The following MGAT4C variants were observed in gnomAD, a reference collection of about 807,000 sequenced individuals.
MGAT4C encodes MGAT4 family member C, also known as alpha-1,3-mannosyl-glycoprotein 4-beta-N-acetylglucosaminyltransferase C.
In MGAT4C, 19 loss-of-function variants were observed where a neutral mutation model predicts 40.1. The observed-to-expected ratio is 0.47, with a 90% CI of 0.33 to 0.70. MGAT4C has a LOEUF of 0.70. MGAT4C is among the 30% of genes least tolerant of loss of function. MGAT4C has a pLI of 0.02. For synonymous variants in MGAT4C, 181 were observed against 187.1 expected (o/e 0.97, Z 0.27); for missense variants, 491 against 563.2 (o/e 0.87, Z 1.30).
intron 3 of MGAT4C, among the ~76,000 whole-genome samples, chr12:86,421,266 C>T (rs567055160): frequency 3.9e-5 from 6 of 152,188 alleles, no homozygotes; most frequent in East Asian, 1.9e-4. Context: ...ACCTATGGTT[C>T]GGATAATTGT....
At chr12:86,102,553 G>T (rs749438967) in intron 1 of MGAT4C, among the ~76,000 whole-genome samples, 35 of 152,036 alleles carry the variant, frequency 2.3e-4, no homozygotes, top group Admixed American at 7.2e-4. Flanking sequence ...GGCCATCAAA[G>T]TAGTTTAGAA....
At chr12:86,600,175 G>A (rs888022166) in intron 2 of MGAT4C, among the ~76,000 whole-genome samples, 3 of 152,098 alleles carry the variant, frequency 2.0e-5, no homozygotes, top group African/African-American at 7.2e-5. Context: ...TGACAAGCAG[G>A]GAAAACATTT....
intron 1 of MGAT4C, among the ~76,000 whole-genome samples, chr12:86,227,055 C>A (rs1951116346): frequency 6.6e-6 from 1 of 151,916 alleles, no homozygotes; most frequent in Non-Finnish European, 1.5e-5. Flanking sequence ...CCATTACTTG[C>A]ATCCAGGCTG....
intron 1 of MGAT4C, among the ~76,000 whole-genome samples, chr12:86,058,907 T>C: frequency 6.6e-6 from 1 of 152,308 alleles, no homozygotes; most frequent in Non-Finnish European, 1.5e-5. Context: ...TATACAAACA[T>C]TTACAAAGAT....
chr12:86,679,530 A>T (rs1186504776), intron 2 of MGAT4C, among the ~76,000 whole-genome samples: 1 of 151,956 alleles, frequency 6.6e-6, no homozygotes, highest in Non-Finnish European at 1.5e-5. Context: ...CAATAGTTTG[A>T]ATGTGCACCC....
At chr12:86,597,933 G>A (rs1243142879) in intron 2 of MGAT4C, among the ~76,000 whole-genome samples, 1 of 151,988 alleles carries the variant, frequency 6.6e-6, no homozygotes, top group East Asian at 1.9e-4. Context: ...CTGTGCAGTG[G>A]GCATTCGAAC....
chr12:86,107,271 T>C (rs1876369129), intron 1 of MGAT4C, among the ~76,000 whole-genome samples: 1 of 152,156 alleles, frequency 6.6e-6, no homozygotes, highest in African/African-American at 2.4e-5. Context: ...AATGCTTTGG[T>C]AACTGGGGTC....
At chr12:86,712,385 G>A (rs1481046765) in intron 2 of MGAT4C, among the ~76,000 whole-genome samples, 1 of 152,010 alleles carries the variant, frequency 6.6e-6, no homozygotes, top group Non-Finnish European at 1.5e-5. Flanking sequence ...CATAATCAAT[G>A]ACTAACCATA....
intron 2 of MGAT4C, chr12:86,011,813 C>T: frequency 1.0e-6 from 1 of 983,834 alleles, no homozygotes; most frequent in Non-Finnish European, 1.2e-6. Context: ...CCTTTACCAG[C>T]TCCAAGTGTT....
chr12:86,769,276 A>G (rs1452867421), intron 1 of MGAT4C, among the ~76,000 whole-genome samples: 2 of 152,154 alleles, frequency 1.3e-5, no homozygotes, highest in African/African-American at 2.4e-5. Context: ...AATGCTCACC[A>G]TCACTGGCCA....
At chr12:86,576,171 T>G (rs1002855893) in intron 2 of MGAT4C, among the ~76,000 whole-genome samples, 37 of 152,062 alleles carry the variant, frequency 2.4e-4, no homozygotes, top group African/African-American at 8.2e-4. Flanking sequence ...GTTTTTTGAT[T>G]GGATTATTAG....
intron 3 of MGAT4C, among the ~76,000 whole-genome samples, chr12:86,421,466 A>G (rs1956824376): frequency 2.0e-5 from 3 of 152,130 alleles, no homozygotes; most frequent in Admixed American, 2.0e-4. Context: ...CAAGCAGCCT[A>G]TGCTTGTTAA....
At chr12:86,016,905 C>T (rs1426768472) in intron 2 of MGAT4C, among the ~76,000 whole-genome samples, 1 of 151,954 alleles carries the variant, frequency 6.6e-6, no homozygotes, top group Non-Finnish European at 1.5e-5. Context: ...CTTATCAATT[C>T]TCTCATTTTA....
chr12:86,678,420 CTTTT>C (rs200793863), intron 2 of MGAT4C, among the ~76,000 whole-genome samples: 3 of 148,822 alleles, frequency 2.0e-5, no homozygotes, highest in African/African-American at 7.4e-5. Context: ...TCTGTTTCCT[CTTTT>C]TTTTTTATTT....
chr12:86,095,771 G>T (rs1873806562), intron 1 of MGAT4C, among the ~76,000 whole-genome samples: 1 of 132,004 alleles, frequency 7.6e-6, no homozygotes, highest in African/African-American at 2.9e-5. Flanking sequence ...CAAACATTAA[G>T]CTTATTCTAC....
Position 86,027,093 on chromosome 12 carries a change from A to C in MGAT4C, c.-7+22581T>G, listed in dbSNP as rs143918553. ...TAACTACAATGAATCATTATTAGGA[A>C]ATCTTCAAGAAATAACGAATTTTTC... is the stretch of plus-strand genomic sequence containing the variant. On this transcript the variant is annotated intron_variant, in intron 2 of 4. Coordinates refer to ENST00000611864, the MANE Select transcript of MGAT4C (RefSeq NM_001351288.2). Among the ~76,000 whole-genome samples the C allele has an allele frequency of 2.1e-3, 324 of 152,070 alleles. 2 individuals are homozygous for C. The highest frequency in any genetic ancestry group is 0.01 in the Middle Eastern group (3 of 294).
chr12:86,072,331 A>T (rs1044833099), intron 1 of MGAT4C, among the ~76,000 whole-genome samples: 31 of 151,990 alleles, frequency 2.0e-4, no homozygotes, highest in African/African-American at 7.2e-4. Context: ...TTTTTTTGTT[A>T]GCTGTTTTTT....
chr12:86,640,168 G>C lies in MGAT4C; in HGVS notation c.-229+87041C>G, dbSNP rs564678724. ...AAGAAATATTTTAGAATAAAAACAAGTTAGCATATTAATTAAAAAGATAGC... is the reference window on the plus strand; with the variant it reads ...AAGAAATATTTTAGAATAAAAACAACTTAGCATATTAATTAAAAAGATAGC... On this transcript the variant is annotated intron_variant, in intron 2 of 7. Transcript: ENST00000548651. Among the ~76,000 whole-genome samples, 15 of 151,674 alleles carry C rather than the reference G, an allele frequency of 9.9e-5. No homozygotes were observed. The South Asian group carries it at 2.7e-3, about 27-fold the overall frequency.
chr12:86,098,136 T>C (rs866080081), intron 1 of MGAT4C, among the ~76,000 whole-genome samples: 7 of 151,860 alleles, frequency 4.6e-5, no homozygotes, highest in Admixed American at 6.6e-5. Flanking sequence ...ACATAAATTA[T>C]AATTTACAGT....
Sources: allele counts gnomAD v4.1 joint callset (sites outside exome capture counted in the v4.1 genomes callset), GRCh38; gene constraint gnomAD v4.1.1; transcripts MANE v1.5; gene names NCBI Gene and HGNC (gene_info 2026-07-23, HGNC 2026-07-21).